The following DMD variants were observed in gnomAD, a reference collection of about 807,000 sequenced individuals.
DMD encodes the protein dystrophin.
DMD carries 63 observed loss-of-function variants against 330.1 expected under a neutral mutation model. The observed-to-expected ratio is 0.19, with a 90% CI of 0.16 to 0.24. The LOEUF (loss-of-function observed/expected upper bound fraction) is 0.24, where lower values mean the gene tolerates loss of function less well. Ranked by LOEUF, DMD falls within the 10% of genes least tolerant of loss-of-function variation. DMD has a pLI of 1.00. For synonymous variants in DMD, 1,223 were observed against 959.8 expected, an observed-to-expected ratio of 1.27 and a Z score of -5.07; for missense variants, 3,344 against 2,684.1, an observed-to-expected ratio of 1.25 and a Z score of -5.43.
At chrX:31,677,177 T>C (rs1464164157) in intron 53 of DMD, among the ~76,000 whole-genome samples, 3 of 111,726 alleles carry the variant, frequency 2.7e-5, no homozygotes, top group African/African-American at 6.5e-5. Flanking sequence ...TGCAATTGTT[T>C]TGTTTTCTAC....
intron 42 of DMD, among the ~76,000 whole-genome samples, chrX:32,298,175 A>G (rs1200242984): frequency 4.5e-5 from 5 of 111,006 alleles, no homozygotes; most frequent in Non-Finnish European, 9.4e-5. Context: ...TATTGACAGT[A>G]GAGTCTACAG....
intron 2 of DMD, among the ~76,000 whole-genome samples, chrX:32,928,512 C>G (rs866178112): frequency 9.0e-6 from 1 of 111,178 alleles, no homozygotes; most frequent in Non-Finnish European, 1.9e-5. Flanking sequence ...AACAATGACA[C>G]CTAGCAAGTA....
rs139200855 is a variant in DMD, at chrX:32,828,249, G to A, written c.265-4862C>T. On this transcript the variant is annotated intron_variant, in intron 4 of 78. Transcript: ENST00000357033. ...CCTTTGGGTATATACCAAATAATGA[G>A]GTTGCTGGGTTGAATGGTATTTCTG... 2.3e-3 allele frequency among the ~76,000 whole-genome samples: 258 copies of A among 111,213 alleles called. 1 individual carries two copies. Among genetic ancestry groups the A allele is most frequent in the African/African-American group, 8.1e-3 (249 of 30,601 alleles).
At chrX:33,045,076 T>C (rs1344309835) in intron 1 of DMD, among the ~76,000 whole-genome samples, 1 of 110,921 alleles carries the variant, frequency 9.0e-6, no homozygotes, top group Non-Finnish European at 1.9e-5. Context: ...GGGAAAGTCC[T>C]TTTTTTACAA....
chrX:31,965,925 G>A (rs773573093), intron 45 of DMD, among the ~76,000 whole-genome samples: 2 of 111,481 alleles, frequency 1.8e-5, no homozygotes, highest in East Asian at 5.7e-4. Flanking sequence ...GAACTTTTGA[G>A]ATTTTTTTTC....
chrX:32,084,906 C>G (rs370482840), intron 44 of DMD, among the ~76,000 whole-genome samples: 68 of 110,951 alleles, frequency 6.1e-4, no homozygotes, highest in African/African-American at 2.0e-3. Context: ...AGCTGAGAGG[C>G]GCAGAGAAGC....
intron 17 of DMD, among the ~76,000 whole-genome samples, chrX:32,539,133 T>C (rs1356924288): frequency 9.1e-5 from 10 of 110,417 alleles, no homozygotes; most frequent in African/African-American, 3.3e-4. Context: ...GATGGTTATC[T>C]TTTTGAGGAT....
intron 60 of DMD, among the ~76,000 whole-genome samples, chrX:31,428,243 A>G (rs2063822306): frequency 9.0e-6 from 1 of 111,548 alleles, no homozygotes; most frequent in African/African-American, 3.3e-5. Context: ...TCTTGCAGTA[A>G]TAAGTGAGTT....
intron 42 of DMD, among the ~76,000 whole-genome samples, chrX:32,288,750 A>G (rs58602201): frequency 0.011 from 1,266 of 111,830 alleles, 19 homozygotes; most frequent in African/African-American, 0.038. Flanking sequence ...AATCAGTCCT[A>G]TGATGATCCA....
chrX:31,800,075 A>G (rs943635250), intron 50 of DMD, among the ~76,000 whole-genome samples: 1 of 112,425 alleles, frequency 8.9e-6, no homozygotes, highest in African/African-American at 3.2e-5. Context: ...TTCTAGATGC[A>G]TGGTTCAAAC....
intron 18 of DMD, among the ~76,000 whole-genome samples, chrX:32,513,855 AG>A (rs1287031298): frequency 8.9e-6 from 1 of 111,742 alleles, no homozygotes; most frequent in Non-Finnish European, 1.9e-5. Flanking sequence ...TCAATATTAA[AG>A]AAAAACTGAA....
intron 51 of DMD, among the ~76,000 whole-genome samples, chrX:31,752,232 C>T (rs1164349584): frequency 8.9e-6 from 1 of 111,889 alleles, no homozygotes; most frequent in Non-Finnish European, 1.9e-5. Flanking sequence ...AGGATATGGA[C>T]ATCTTTGGCG....
chrX:32,310,772 T>C (rs2097559427), intron 41 of DMD, among the ~76,000 whole-genome samples: 1 of 110,889 alleles, frequency 9.0e-6, no homozygotes, highest in East Asian at 2.9e-4. Context: ...TAGGCTGGTA[T>C]GTAACTTTGT....
intron 34 of DMD, among the ~76,000 whole-genome samples, chrX:32,377,645 C>A (rs762030871): frequency 1.8e-3 from 202 of 111,450 alleles, no homozygotes; most frequent in Non-Finnish European, 3.1e-3. Flanking sequence ...GAAAAAGATA[C>A]AGAAAATTTT....
chrX:32,423,633 C>T (rs1455639996), intron 29 of DMD, among the ~76,000 whole-genome samples: 4 of 109,662 alleles, frequency 3.6e-5, no homozygotes, highest in African/African-American at 1.3e-4. Flanking sequence ...ATATGACTGT[C>T]CAAGGAAACA....
In DMD at chrX:31,777,818, T is replaced by C. The variant is rs183626958; in HGVS notation, c.7310-3626A>G. Among the ~76,000 whole-genome samples the C allele has an allele frequency of 2.7e-5, 3 of 112,250 alleles. No homozygotes were observed. The East Asian group carries it at 8.4e-4, about 32-fold the overall frequency. ...GATTGTTCTGACTGTAAGTACACTATGTGGATTTTTTTCTTCCTCTTTTTC... is the reference window on the plus strand; with the variant it reads ...GATTGTTCTGACTGTAAGTACACTACGTGGATTTTTTTCTTCCTCTTTTTC... On this transcript the variant is annotated intron_variant, in intron 50 of 78. Transcript: ENST00000357033.
rs762248710 is a variant in DMD, at chrX:31,431,546, T to C, written c.9084+12935A>G. Among the ~76,000 whole-genome samples, 507 of 109,133 alleles carry C rather than the reference T, an allele frequency of 4.6e-3. 3 individuals carry two copies. Among genetic ancestry groups the C allele is most frequent in the Admixed American group, 7.2e-3 (74 of 10,244 alleles). The allele number at this position is 109,133 out of a possible 115,157, so 94.8% of individuals were successfully genotyped here. On this transcript the variant is annotated intron_variant, in intron 60 of 78. Transcript: ENST00000357033. The stretch of plus-strand genomic sequence containing the variant: ...CCGAGTAGCTGAGATTACAGGCATG[T>C]GCCACCACGCCCAGCTAATTTTGTA...
chrX:31,299,848 CTA>C (rs1371645351), intron 62 of DMD, among the ~76,000 whole-genome samples: 1 of 102,374 alleles, frequency 9.8e-6, no homozygotes, highest in African/African-American at 3.5e-5. Context: ...CAAAAAATAA[CTA>C]TCTGAGGAAA....
chrX:31,883,958 T>C (rs982191640), intron 47 of DMD, among the ~76,000 whole-genome samples: 3 of 110,818 alleles, frequency 2.7e-5, no homozygotes, highest in African/African-American at 9.8e-5. Flanking sequence ...TATCATCTTA[T>C]ACCTGTTAGA....
Sources: gnomAD v4.1 joint callset for allele counts (sites outside exome capture counted in the v4.1 genomes callset) on GRCh38, gnomAD v4.1.1 for gene constraint, MANE v1.5 for transcripts, NCBI Gene and HGNC (gene_info 2026-07-23, HGNC 2026-07-21) for gene names.